The following SNX32 variants were observed in gnomAD, a reference collection of about 807,000 sequenced individuals.
SNX32 encodes sorting nexin-32.
Under a neutral mutation model 57.0 loss-of-function variants are expected in SNX32, and 58 were observed. The ratio of observed to expected loss-of-function variants is 1.02; its 90% CI spans 0.82 to 1.27. The LOEUF (loss-of-function observed/expected upper bound fraction) is 1.27, where lower values mean the gene tolerates loss of function less well. Among genes scored for constraint, SNX32 ranks in the 50% most tolerant of loss-of-function variants. The probability of loss-of-function intolerance (pLI) is 0.00; values close to 1 mark genes in which losing one functional copy is unlikely to be tolerated. For synonymous variants in SNX32, 262 were observed against 220.4 expected (o/e 1.19, Z -1.67); for missense variants, 589 against 541.2 (o/e 1.09, Z -0.88).
In SNX32 at chr11:65,839,215, A is replaced by ATTTTTTTTTTTT. The variant is rs1555032605; in HGVS notation, c.36+5121_36+5122insTTTTTTTTTTTT. Among the ~76,000 whole-genome samples, 29 of 19,528 alleles carry ATTTTTTTTTTTT rather than the reference A, an allele frequency of 1.5e-3. 1 individual carries two copies. Among genetic ancestry groups the ATTTTTTTTTTTT allele is most frequent in the Non-Finnish European group, 2.3e-3 (19 of 8,376 alleles). The allele number at this position is 19,528 out of a possible 152,430, so 12.8% of individuals were successfully genotyped here. On this transcript the variant is annotated intron_variant, in intron 1 of 12. Coordinates refer to ENST00000308342, the MANE Select transcript of SNX32 (RefSeq NM_152760.3). ...AGCTGTGCCCCACCACGCCCAGCTA[A>ATTTTTTTTTTTT]TTTTTTTGTATTTTTTTTTTTTTTT... is the stretch of plus-strand genomic sequence containing the variant.
intron 10 of SNX32, 22 bp from the exon 11 acceptor site, chr11:65,852,608 G>A (rs761018745): frequency 1.9e-6 from 3 of 1,613,302 alleles, no homozygotes; most frequent in East Asian, 4.5e-5. Flanking sequence ...GGGCAGCAGT[G>A]ACCCTGTGCC....
intron 1 of SNX32, among the ~76,000 whole-genome samples, chr11:65,837,832 A>AC (rs1347912081): frequency 1.3e-5 from 2 of 151,002 alleles, no homozygotes; most frequent in South Asian, 2.1e-4. Flanking sequence ...AAAAAAAAAA[A>AC]AAAAACGAAG....
chr11:65,850,614 G>A (rs960969440), intron 5 of SNX32, 60 bp downstream of exon 5: 7 of 1,560,750 alleles, frequency 4.5e-6, no homozygotes, highest in Middle Eastern at 1.9e-4. Context: ...TGGGTGGGGA[G>A]GCACCCAGGG....
At chr11:65,847,061 G>A (rs1859020873) in intron 1 of SNX32, among the ~76,000 whole-genome samples, 1 of 149,440 alleles carries the variant, frequency 6.7e-6, no homozygotes, top group South Asian at 2.1e-4. Flanking sequence ...AGGTTGGAGT[G>A]CAGCGGCGAG....
rs995750611 is a variant in SNX32, at chr11:65,853,418, C to T, written c.*83C>T. 5.7e-6 allele frequency: 8 copies of T among 1,409,562 alleles called. No individual in the cohort carries two copies. The Admixed American group carries it at 1.3e-4, about 24-fold the overall frequency. 87.3% of individuals were successfully genotyped at this position (1,409,562 alleles called of 1,614,324 possible). A position where few individuals can be genotyped will look rare whatever the true frequency, so the allele number is the denominator to read the frequency against. ...GACCCCTCTCTCCGGCAAGATGTCT[C>T]CTTCCCTAGCAGTGCCACTAGCCAC... On this transcript the variant is annotated 3_prime_UTR_variant, in exon 13 of 13. Transcript: ENST00000308342.
chr11:65,836,450 A>G (rs1858670852), intron 1 of SNX32, among the ~76,000 whole-genome samples: 1 of 150,886 alleles, frequency 6.6e-6, no homozygotes, highest in Non-Finnish European at 1.5e-5. Context: ...AGACTGAGAC[A>G]GGAGAATAGC....
At chr11:65,842,563 G>T (rs1185198794) in intron 1 of SNX32, among the ~76,000 whole-genome samples, 1 of 152,106 alleles carries the variant, frequency 6.6e-6, no homozygotes, top group Non-Finnish European at 1.5e-5. Context: ...TGAGGCAAGA[G>T]AATGGCATGA....
rs1281875291 is a variant in SNX32, at chr11:65,850,226, C to T, written c.329C>T (p.Ser110Phe). 1 of 1,614,112 alleles carries T rather than the reference C, an allele frequency of 6.2e-7. No homozygotes were observed. The highest frequency in any genetic ancestry group is 8.5e-7 in the Non-Finnish European group (1 of 1,180,046). The change falls in exon 4 of 13, where the codon TCT becomes TTT. Residue 110 changes from serine (S) to phenylalanine (F), a missense_variant. Ser to Phe is a radical substitution (Grantham distance 155, BLOSUM62 -2). Coordinates refer to ENST00000308342, the MANE Select transcript of SNX32 (RefSeq NM_152760.3). Reference sequence around the variant, plus strand: ...CAGAAATTGGGCGAGGGGGACAGCTCTGTCACTCGGGAAGAGTTTGCCAAG... The same window carrying T: ...CAGAAATTGGGCGAGGGGGACAGCTTTGTCACTCGGGAAGAGTTTGCCAAG... ...KLQKLGEGDS[S>F]VTREEFAKMK...
At chr11:65,842,755 G>A (rs972436515) in intron 1 of SNX32, among the ~76,000 whole-genome samples, 6 of 151,236 alleles carry the variant, frequency 4.0e-5, no homozygotes, top group Admixed American at 6.6e-5. Context: ...GTTCGAGACC[G>A]CCTGGCCAAC....
Position 65,852,856 on chromosome 11 carries a change from C to T in SNX32, c.1073-17C>T, listed in dbSNP as rs773865054. ...CTGCCCTGCCCGGATCCCCATGCCT[C>T]TTCCCCTCCTCTCCAGAGCTCATGG... On this transcript the variant is annotated splice_polypyrimidine_tract_variant and intron_variant, in intron 11 of 12. Transcript: ENST00000308342. 1 of 1,614,006 alleles carries T rather than the reference C, an allele frequency of 6.2e-7. No homozygotes were observed. Among genetic ancestry groups the T allele is most frequent in the East Asian group, 2.2e-5 (1 of 44,870 alleles).
chr11:65,853,486 C>G lies in SNX32; in HGVS notation c.*151C>G. On this transcript the variant is annotated 3_prime_UTR_variant, in exon 13 of 13. Transcript: ENST00000308342. ...CATCCTCTCAGGGAAAGCCCAAACC[C>G]CCTATCACCACCACCACAGGTGCCA... 1 of 747,282 alleles carries G rather than the reference C, an allele frequency of 1.3e-6. No individual in the cohort carries two copies. The highest frequency in any genetic ancestry group is 1.6e-5 in the South Asian group (1 of 61,910). The allele number at this position is 747,282 out of a possible 1,614,324, so 46.3% of individuals were successfully genotyped here.
intron 1 of SNX32, among the ~76,000 whole-genome samples, chr11:65,847,039 ACT>A (rs1341932885): frequency 6.9e-6 from 1 of 145,044 alleles, no homozygotes; most frequent in Non-Finnish European, 1.5e-5. Context: ...ACAGTTTCTC[ACT>A]CTGTCACCTA....
chr11:65,852,649 T>C lies in SNX32; in HGVS notation c.932T>C (p.Leu311Pro). Residue 311 changes from leucine (L) to proline (P), a missense_variant, in exon 11 of 13, where the codon CTG becomes CCG. Leu to Pro is a moderately conservative substitution (Grantham distance 98). Transcript: ENST00000308342. ...QAAKDLLYRR[L>P]RALADYENAN... ...TCCTAGGACCTGCTGTACCGGCGGC[T>C]GCGGGCACTGGCCGACTACGAGAAT... The C allele has an allele frequency of 6.2e-7, 1 of 1,605,428 alleles. No individual in the cohort carries two copies. Among genetic ancestry groups the C allele is most frequent in the Non-Finnish European group, 8.5e-7 (1 of 1,177,292 alleles).
intron 1 of SNX32, among the ~76,000 whole-genome samples, chr11:65,839,175 A>G (rs1012319615): frequency 2.8e-5 from 4 of 144,612 alleles, no homozygotes; most frequent in African/African-American, 5.1e-5. Flanking sequence ...CAGTCTCCCG[A>G]GTAGCTGGGA....
At chr11:65,842,723 G>C (rs1296431807) in intron 1 of SNX32, among the ~76,000 whole-genome samples, 4 of 151,704 alleles carry the variant, frequency 2.6e-5, no homozygotes, top group Non-Finnish European at 4.4e-5. Flanking sequence ...AACAAGGGGG[G>C]GTGGATCGCC....
rs752698199 is a variant in SNX32 at position 65,850,133 on chromosome 11, G to A, written c.253-17G>A. On this transcript the variant is annotated splice_polypyrimidine_tract_variant and intron_variant, in intron 3 of 12. Coordinates refer to ENST00000308342, the MANE Select transcript of SNX32 (RefSeq NM_152760.3). ...CGGCAGTGAGAGGCCTCCCAGCTCCGTCCCTCCTTTGAGCAGATCCCCCCA... is the reference window on the plus strand; with the variant it reads ...CGGCAGTGAGAGGCCTCCCAGCTCCATCCCTCCTTTGAGCAGATCCCCCCA... 28 of 1,614,084 alleles carry A rather than the reference G, an allele frequency of 1.7e-5. No individual in the cohort carries two copies. Among genetic ancestry groups the A allele is most frequent in the East Asian group, 4.5e-5 (2 of 44,884 alleles).
At chr11:65,843,720 A>G (rs1241557622) in intron 1 of SNX32, among the ~76,000 whole-genome samples, 1 of 152,258 alleles carries the variant, frequency 6.6e-6, no homozygotes, top group Admixed American at 6.5e-5. Context: ...AACCATAGAC[A>G]TAAAAGACTG....
chr11:65,841,092 C>A (rs1300651662), intron 1 of SNX32, among the ~76,000 whole-genome samples: 1 of 151,648 alleles, frequency 6.6e-6, no homozygotes, highest in Admixed American at 6.6e-5. Context: ...TTACAAGCGC[C>A]CCCCACCACA....
rs755185237 is a variant in SNX32, at chr11:65,839,223, G to GTTTTTTTTTTTTTTTTTTTTTTTTTTTT, written c.36+5123_36+5124insTTTTTTTTTTTTTTTTTTTTTTTTTTTT. ...CCCACCACGCCCAGCTAATTTTTTTGTATTTTTTTTTTTTTTTTTTTTTTG... is the reference window on the plus strand; with the variant it reads ...CCCACCACGCCCAGCTAATTTTTTTGTTTTTTTTTTTTTTTTTTTTTTTTTTTTTATTTTTTTTTTTTTTTTTTTTTTG... On this transcript the variant is annotated intron_variant, in intron 1 of 12. Transcript: ENST00000308342. 7.4e-4 allele frequency among the ~76,000 whole-genome samples: 17 copies of GTTTTTTTTTTTTTTTTTTTTTTTTTTTT among 22,982 alleles called. 1 individual carries two copies. Among genetic ancestry groups the GTTTTTTTTTTTTTTTTTTTTTTTTTTTT allele is most frequent in the Middle Eastern group, 0.05 (2 of 40 alleles). 15.1% of individuals were successfully genotyped at this position (22,982 alleles called of 152,430 possible). A position where few individuals can be genotyped will look rare whatever the true frequency, so the allele number is the denominator to read the frequency against.
Sources: gnomAD v4.1 joint callset for allele counts (sites outside exome capture counted in the v4.1 genomes callset) on GRCh38, gnomAD v4.1.1 for gene constraint, MANE v1.5 for transcripts, NCBI Gene and HGNC (gene_info 2026-07-23, HGNC 2026-07-21) for gene names.